The following ACTR3 variants were observed in gnomAD, a reference collection of about 807,000 sequenced individuals.
ACTR3 encodes the protein actin-related protein 3.
Under a neutral mutation model 56.8 loss-of-function variants are expected in ACTR3, and 12 were observed. That is an observed-to-expected ratio of 0.21 (90% CI 0.14 to 0.34). The LOEUF (loss-of-function observed/expected upper bound fraction) is 0.34, where lower values mean the gene tolerates loss of function less well. ACTR3 is among the 10% of genes least tolerant of loss of function. ACTR3 has a pLI of 1.00. For missense variants in ACTR3, 282 were observed against 512.5 expected (o/e 0.55, Z 4.34); for synonymous variants, 162 against 167.4 (o/e 0.97, Z 0.25).
intron 5 of ACTR3, among the ~76,000 whole-genome samples, chr2:113,933,246 C>T (rs1166713763): frequency 6.6e-6 from 1 of 152,154 alleles, no homozygotes; most frequent in African/African-American, 2.4e-5. Context: ...CACAGTGGCT[C>T]ATGCCTATAA....
intron 6 of ACTR3, among the ~76,000 whole-genome samples, chr2:113,936,118 C>A (rs1679820393): frequency 6.6e-6 from 1 of 151,838 alleles, no homozygotes; most frequent in Non-Finnish European, 1.5e-5. Flanking sequence ...ATGCTGAAAC[C>A]CTGTCTCTAC....
Position 113,961,495 on chromosome 2 carries a change from T to C in ACTR3, c.*4040T>C, listed in dbSNP as rs991699051. Reference sequence around the variant, plus strand: ...GATTTAGCAATTACTTGTTTTCTAGTGTTCTGTCAATTTTTGGTGACTTTT... The same window carrying C: ...GATTTAGCAATTACTTGTTTTCTAGCGTTCTGTCAATTTTTGGTGACTTTT... On this transcript the variant is annotated 3_prime_UTR_variant, in exon 12 of 12. Coordinates refer to ENST00000263238, the MANE Select transcript of ACTR3 (RefSeq NM_005721.5). 3 of 152,022 alleles carry C rather than the reference T, an allele frequency of 2.0e-5. No homozygotes were observed. The highest frequency in any genetic ancestry group is 4.4e-5 in the Non-Finnish European group (3 of 67,894). 9.4% of individuals were successfully genotyped at this position (152,022 alleles called of 1,614,324 possible).
At chr2:113,920,215 G>T (rs1037771674) in intron 3 of ACTR3, among the ~76,000 whole-genome samples, 3 of 152,174 alleles carry the variant, frequency 2.0e-5, no homozygotes, top group African/African-American at 7.2e-5. Flanking sequence ...GAGCCACTGC[G>T]TCCGGCCTTT....
intron 10 of ACTR3, chr2:113,954,135 T>A (rs546098862): frequency 2.0e-5 from 3 of 152,368 alleles, no homozygotes; most frequent in Non-Finnish European, 2.9e-5. Flanking sequence ...TCATTTTTAG[T>A]GCATTGTATC....
chr2:113,898,596 C>T (rs1679048924), intron 1 of ACTR3, among the ~76,000 whole-genome samples: 1 of 152,164 alleles, frequency 6.6e-6, no homozygotes, highest in Non-Finnish European at 1.5e-5. Flanking sequence ...CTGTATGGCA[C>T]ACATGAGAAA....
chr2:113,890,825 G>A, intron 1 of ACTR3: 1 of 988,284 alleles, frequency 1.0e-6, no homozygotes, highest in Non-Finnish European at 1.2e-6. Flanking sequence ...CAGGGTGTGG[G>A]TGGGGAAAGG....
chr2:113,912,598 T>C (rs1574358740), intron 1 of ACTR3, among the ~76,000 whole-genome samples: 1 of 152,332 alleles, frequency 6.6e-6, no homozygotes, highest in African/African-American at 2.4e-5. Flanking sequence ...GTTCCCTTTT[T>C]TGGAGACAAC....
At chr2:113,957,160 T>C (rs1256585223) in intron 11 of ACTR3, among the ~76,000 whole-genome samples, 200 bp from the exon 12 acceptor site, 1 of 152,192 alleles carries the variant, frequency 6.6e-6, no homozygotes, top group African/African-American at 2.4e-5. Flanking sequence ...AATTGCTCTT[T>C]TGGAGTTCCG....
intron 11 of ACTR3, among the ~76,000 whole-genome samples, chr2:113,956,497 CTTGT>C (rs1051761162): frequency 2.0e-5 from 3 of 150,976 alleles, no homozygotes; most frequent in Non-Finnish European, 4.4e-5. Flanking sequence ...TCAGAAGGTC[CTTGT>C]TTGTTCTGTT....
At chr2:113,941,340 A>C (rs772715693) in intron 7 of ACTR3, among the ~76,000 whole-genome samples, 5 of 152,234 alleles carry the variant, frequency 3.3e-5, no homozygotes, top group Non-Finnish European at 7.3e-5. Flanking sequence ...TATTCCAGAG[A>C]AGATTGATGG....
intron 11 of ACTR3, among the ~76,000 whole-genome samples, chr2:113,955,978 C>A (rs28653616): frequency 5.3e-4 from 81 of 152,180 alleles, no homozygotes; most frequent in African/African-American, 1.8e-3. Flanking sequence ...AACTCCTGAC[C>A]TTGGGATCTG....
chr2:113,927,341 A>T lies in ACTR3; in HGVS notation c.226-4A>T, dbSNP rs1346228906. ...AATTTGTATTTCCCTTTTTGTTTTA[A>T]TAGTGGCCAATCCGCCATGGTATAG... On this transcript the variant is annotated splice_polypyrimidine_tract_variant and splice_region_variant and intron_variant, in intron 3 of 11. Coordinates refer to ENST00000263238, the MANE Select transcript of ACTR3 (RefSeq NM_005721.5). 3 of 1,536,726 alleles carry T rather than the reference A, an allele frequency of 2.0e-6. No homozygotes were observed. The highest frequency in any genetic ancestry group is 1.4e-5 in the African/African-American group (1 of 72,166).
chr2:113,961,875 T>C lies in ACTR3; in HGVS notation c.*4420T>C, dbSNP rs532656218. On this transcript the variant is annotated 3_prime_UTR_variant, in exon 12 of 12. Coordinates refer to ENST00000263238, the MANE Select transcript of ACTR3 (RefSeq NM_005721.5). ...AGTGGGGCTTATAAAAGTGGATCTA[T>C]TGTTTAAAAATTAGTACTTTGCTCC... 6.6e-6 allele frequency: 1 copy of C among 152,118 alleles called. No homozygotes were observed. The highest frequency in any genetic ancestry group is 1.9e-4 in the East Asian group (1 of 5,182). 9.4% of individuals were successfully genotyped at this position (152,118 alleles called of 1,614,324 possible).
In ACTR3 at chr2:113,938,341, G is replaced by T. The variant is rs189474662; in HGVS notation, c.541-1618G>T. On this transcript the variant is annotated intron_variant, in intron 6 of 11. Coordinates refer to ENST00000263238, the MANE Select transcript of ACTR3 (RefSeq NM_005721.5). Reference sequence around the variant, plus strand: ...TCCTCGTTAAGTGTTGTGTTTTTCCGCTTCCTTGCATGCTTATAATTTTTG... The same window carrying T: ...TCCTCGTTAAGTGTTGTGTTTTTCCTCTTCCTTGCATGCTTATAATTTTTG... 3.6e-4 allele frequency among the ~76,000 whole-genome samples: 54 copies of T among 151,924 alleles called. 2 individuals carry two copies. Among genetic ancestry groups the T allele is most frequent in the African/African-American group, 1.2e-3 (51 of 41,440 alleles).
chr2:113,890,579 C>T (rs1011614277), intron 1 of ACTR3: 14 of 1,358,772 alleles, frequency 1.0e-5, no homozygotes, highest in Non-Finnish European at 1.2e-5. Context: ...TCCGCGCGAC[C>T]CCTCCCGGCC....
At chr2:113,937,782 C>G (rs1318510123) in intron 6 of ACTR3, among the ~76,000 whole-genome samples, 1 of 152,060 alleles carries the variant, frequency 6.6e-6, no homozygotes, top group African/African-American at 2.4e-5. Flanking sequence ...ATTCCTGATT[C>G]ATTGGTTTTT....
chr2:113,928,144 C>T (rs1679653507), intron 4 of ACTR3, among the ~76,000 whole-genome samples: 1 of 152,054 alleles, frequency 6.6e-6, no homozygotes, highest in South Asian at 2.1e-4. Context: ...AATACCTATC[C>T]TTTCCCACTC....
At chr2:113,948,915 C>T (rs1297110893) in intron 8 of ACTR3, among the ~76,000 whole-genome samples, 1 of 78,118 alleles carries the variant, frequency 1.3e-5, no homozygotes, top group African/African-American at 1.6e-4. Flanking sequence ...CTAGGGATTC[C>T]CTTTCCCTCT....
chr2:113,914,526 G>A (rs1326760745), intron 2 of ACTR3, among the ~76,000 whole-genome samples: 3 of 150,492 alleles, frequency 2.0e-5, no homozygotes, highest in African/African-American at 7.4e-5. Context: ...CAGGAGAATC[G>A]CTCGAACCCG....
Sources: allele counts gnomAD v4.1 joint callset (sites outside exome capture counted in the v4.1 genomes callset), GRCh38; gene constraint gnomAD v4.1.1; transcripts MANE v1.5; gene names NCBI Gene and HGNC (gene_info 2026-07-23, HGNC 2026-07-21).